Variants in USP32 observed in about 807,000 individuals in gnomAD.
USP32 encodes the protein ubiquitin carboxyl-terminal hydrolase 32.
Under a neutral mutation model 204.8 loss-of-function variants are expected in USP32, and 59 were observed. That is an observed-to-expected ratio of 0.29 (90% CI 0.23 to 0.36). The LOEUF (loss-of-function observed/expected upper bound fraction) is 0.36, where lower values mean the gene tolerates loss of function less well. USP32 is among the 10% of genes least tolerant of loss of function. USP32 has a pLI of 1.00. For synonymous variants in USP32, 517 were observed against 678.4 expected (o/e 0.76, Z 3.70); for missense variants, 1,160 against 1,946.4 (o/e 0.60, Z 7.60).
At chr17:60,329,275 TG>T (rs1443029153) in intron 2 of USP32, among the ~76,000 whole-genome samples, 3 of 132,852 alleles carry the variant, frequency 2.3e-5, no homozygotes, top group African/African-American at 1.3e-4. Flanking sequence ...AATGTGTGTG[TG>T]TGTTTTTTTT....
In USP32 at chr17:60,397,296, G is replaced by C. The variant is rs544888130; in HGVS notation, c.106+24950C>G. ...TATTTGAGAAATACCAGCTCCAGCT[G>C]TGTACCTTTGGCTTTGATTTCTTCA... is the stretch of plus-strand genomic sequence containing the variant. On this transcript the variant is annotated intron_variant, in intron 1 of 3. Coordinates refer to the USP32 transcript ENST00000588898. Among the ~76,000 whole-genome samples the C allele has an allele frequency of 5.2e-4, 79 of 152,320 alleles. 2 individuals are homozygous for C. The South Asian group carries it at 0.013, about 24-fold the overall frequency.
At chr17:60,347,128 T>C (rs912366722) in intron 1 of USP32, among the ~76,000 whole-genome samples, 1 of 151,880 alleles carries the variant, frequency 6.6e-6, no homozygotes, top group Non-Finnish European at 1.5e-5. Context: ...TTGGGAAATA[T>C]CCAGAGGGTC....
At chr17:60,215,043 C>G (rs148033940) in intron 16 of USP32, among the ~76,000 whole-genome samples, 6,027 of 152,188 alleles carry the variant, frequency 0.04, 441 homozygotes, top group African/African-American at 0.14. Context: ...TTTTGGCTCA[C>G]TGCAGCCTCC....
intron 4 of USP32, among the ~76,000 whole-genome samples, chr17:60,290,759 A>G (rs2087251744): frequency 6.7e-6 from 1 of 149,886 alleles, no homozygotes; most frequent in Non-Finnish European, 1.5e-5. Context: ...GCCACTGGGA[A>G]AAAAAAAAAG....
intron 33 of USP32, 100 bp downstream of exon 33, chr17:60,180,445 C>A (rs544287266): frequency 1.5e-6 from 2 of 1,292,196 alleles, no homozygotes; most frequent in South Asian, 1.3e-5. Context: ...ACAGAAATAT[C>A]TATTTCCTAT....
chr17:60,348,740 C>T (rs1567866434), intron 1 of USP32, among the ~76,000 whole-genome samples: 1 of 151,678 alleles, frequency 6.6e-6, no homozygotes, highest in Non-Finnish European at 1.5e-5. Flanking sequence ...TGCACTCTAG[C>T]CTGGGTGACA....
chr17:60,254,370 A>G (rs543162998), intron 10 of USP32, among the ~76,000 whole-genome samples: 36 of 152,232 alleles, frequency 2.4e-4, no homozygotes, highest in Middle Eastern at 6.8e-3. Context: ...ACAGCCTCAT[A>G]CCTTCAATGA....
intron 9 of USP32, among the ~76,000 whole-genome samples, chr17:60,262,256 A>G (rs2086472611): frequency 1.3e-5 from 2 of 152,228 alleles, no homozygotes; most frequent in Non-Finnish European, 1.5e-5. Flanking sequence ...CAATGGTGTC[A>G]TCTTGGCTCA....
Position 60,364,888 on chromosome 17 carries a change from A to G in USP32, c.59-19280T>C, listed in dbSNP as rs544228928. ...ATCTTCTATATACAAGTCAAACCTT[A>G]TATTTTAGACCCAAATTTTATATTT... On this transcript the variant is annotated intron_variant, in intron 1 of 33. Transcript: ENST00000300896. Among the ~76,000 whole-genome samples, 8 of 152,326 alleles carry G rather than the reference A, an allele frequency of 5.3e-5. No individual in the cohort carries two copies. The South Asian group carries it at 1.7e-3, about 32-fold the overall frequency.
chr17:60,319,147 A>C (rs762814686), intron 2 of USP32, among the ~76,000 whole-genome samples: 1 of 152,188 alleles, frequency 6.6e-6, no homozygotes, highest in Non-Finnish European at 1.5e-5. Context: ...GATGATGAAA[A>C]GGTTTTAGAA....
At chr17:60,332,038 T>C (rs1297161468) in intron 2 of USP32, among the ~76,000 whole-genome samples, 1 of 151,028 alleles carries the variant, frequency 6.6e-6, no homozygotes, top group East Asian at 1.9e-4. Flanking sequence ...AGCTCAGGAG[T>C]TCAAGATCAG....
intron 5 of USP32, among the ~76,000 whole-genome samples, chr17:60,275,935 G>A (rs984034302): frequency 6.6e-6 from 1 of 151,218 alleles, no homozygotes; most frequent in Non-Finnish European, 1.5e-5. Context: ...AAAAAGTATG[G>A]AGCAATAAAG....
chr17:60,301,484 C>T (rs1156539257), intron 3 of USP32, 115 bp downstream of exon 3: 7 of 604,452 alleles, frequency 1.2e-5, no homozygotes, highest in South Asian at 5.2e-5. Flanking sequence ...TTATTTACCA[C>T]TTGTATATCT....
At chr17:60,400,542 A>C (rs1018183964) in intron 1 of USP32, among the ~76,000 whole-genome samples, 3 of 152,250 alleles carry the variant, frequency 2.0e-5, no homozygotes, top group East Asian at 3.8e-4. Flanking sequence ...TGAGGAATAC[A>C]ACAGGAGAAG....
In USP32 at chr17:60,225,963, AAAAAAAAG is replaced by A; in HGVS notation, c.1432+68_1432+75del. 4 of 1,454,612 alleles carry A rather than the reference AAAAAAAAG, an allele frequency of 2.7e-6. No homozygotes were observed. The South Asian group carries it at 5.5e-5, about 20-fold the overall frequency. The allele number at this position is 1,454,612 out of a possible 1,614,324, so 90.1% of individuals were successfully genotyped here. A position where few individuals can be genotyped will look rare whatever the true frequency, so the allele number is the denominator to read the frequency against. On this transcript the variant is annotated intron_variant, in intron 13 of 33. Transcript: ENST00000300896. ...GTGAAACTCAGTCTCAAAAAAAAAA[AAAAAAAAG>A]AAAAGAAAAGAAAGACCTATCCAGG...
chr17:60,307,873 A>T (rs2087763664), intron 2 of USP32, among the ~76,000 whole-genome samples: 1 of 152,198 alleles, frequency 6.6e-6, no homozygotes, highest in African/African-American at 2.4e-5. Context: ...GTTGAGAGGA[A>T]CATATCAGCA....
chr17:60,247,256 T>C (rs1444526538), intron 11 of USP32, among the ~76,000 whole-genome samples: 2 of 152,258 alleles, frequency 1.3e-5, no homozygotes, highest in East Asian at 3.9e-4. Flanking sequence ...CTCGGCTCAC[T>C]GCAACCTCCA....
Position 60,345,477 on chromosome 17 carries a change from T to G in USP32, c.186+4A>C. 1.2e-6 allele frequency: 2 copies of G among 1,613,180 alleles called. No homozygotes were observed. Among genetic ancestry groups the G allele is most frequent in the Non-Finnish European group, 1.7e-6 (2 of 1,179,696 alleles). The stretch of plus-strand genomic sequence containing the variant: ...CAAAGGAAAACTTAGAACAAAAAGA[T>G]TACCTCAGCAACCTTTGGAGGCACT... On this transcript the variant is annotated splice_donor_region_variant and intron_variant, in intron 2 of 33. Transcript: ENST00000300896.
At chr17:60,235,086 CGCT>C (rs2085686494) in intron 12 of USP32, among the ~76,000 whole-genome samples, 1 of 152,076 alleles carries the variant, frequency 6.6e-6, no homozygotes, top group Admixed American at 6.6e-5. Context: ...ATAAGGGACA[CGCT>C]GCTAAGAGTA....
Sources: gnomAD v4.1 joint callset for allele counts (sites outside exome capture counted in the v4.1 genomes callset) on GRCh38, gnomAD v4.1.1 for gene constraint, MANE v1.5 for transcripts, NCBI Gene and HGNC (gene_info 2026-07-23, HGNC 2026-07-21) for gene names.